SCNM1: variants seen among roughly 807,000 people sequenced by gnomAD.
SCNM1 encodes sodium channel modifier 1.
SCNM1 carries 24 observed loss-of-function variants against 32.8 expected under a neutral mutation model. The observed-to-expected ratio is 0.73, with a 90% CI of 0.53 to 1.03. SCNM1 has a LOEUF of 1.03. Among genes scored for constraint, SCNM1 ranks in the 50% least tolerant of loss-of-function variants. The pLI is 0.00. For missense variants in SCNM1, 274 were observed against 282.3 expected, an observed-to-expected ratio of 0.97 and a Z score of 0.21; for synonymous variants, 99 against 103.2, an observed-to-expected ratio of 0.96 and a Z score of 0.25.
Position 151,169,044 on chromosome 1 carries a change from G to C in SCNM1, c.652G>C (p.Asp218His). 1 of 1,613,982 alleles carries C rather than the reference G, an allele frequency of 6.2e-7. No individual in the cohort carries two copies. Among genetic ancestry groups the C allele is most frequent in the African/African-American group, 1.3e-5 (1 of 74,984 alleles). The change falls in exon 7 of 7, where the codon GAC becomes CAC. Residue 218 changes from aspartate (D) to histidine (H), a missense_variant. Asp to His is a moderately conservative substitution (Grantham distance 81). Coordinates refer to ENST00000368905, the MANE Select transcript of SCNM1 (RefSeq NM_024041.4). ...RWVKDENVEFDSDEEEPPDLP... is the reference protein window; with the variant it reads ...RWVKDENVEFHSDEEEPPDLP... Reference sequence around the variant, plus strand: ...GGTAAAAGATGAAAATGTTGAGTTTGACTCTGATGAGGAGGAACCACCTGA... The same window carrying C: ...GGTAAAAGATGAAAATGTTGAGTTTCACTCTGATGAGGAGGAACCACCTGA...
rs587622782 is a variant in SCNM1, at chr1:151,167,224, C to T, written c.309+6C>T. ...GGGAAGAAACCAAAGCTGAGGTAAT[C>T]AGAGAGTGGAGAGTGTGTTCTAGGC... On this transcript the variant is annotated splice_donor_region_variant and intron_variant, in intron 4 of 6. Coordinates refer to ENST00000368905, the MANE Select transcript of SCNM1 (RefSeq NM_024041.4). 8 of 1,614,008 alleles carry T rather than the reference C, an allele frequency of 5.0e-6. No homozygotes were observed. The East Asian group carries it at 1.8e-4, about 36-fold the overall frequency.
intron 6 of SCNM1, among the ~76,000 whole-genome samples, 170 bp from the exon 7 acceptor site, chr1:151,168,816 T>G (rs1438686005): frequency 9.0e-5 from 13 of 144,180 alleles, no homozygotes; most frequent in African/African-American, 3.2e-4. Context: ...TTTTTTTTTT[T>G]TGGTAGAGAC....
intron 2 of SCNM1, 162 bp downstream of exon 2, chr1:151,166,703 G>T: frequency 7.6e-7 from 1 of 1,317,830 alleles, no homozygotes; most frequent in Non-Finnish European, 1.0e-6. Flanking sequence ...CGATTAGCTG[G>T]GTTTACAAGC....
Position 151,168,154 on chromosome 1 carries a change from C to G in SCNM1, c.409C>G (p.Pro137Ala), listed in dbSNP as rs746105048. The G allele has an allele frequency of 1.1e-5, 18 of 1,612,476 alleles. No individual in the cohort carries two copies. The highest frequency in any genetic ancestry group is 1.5e-5 in the Non-Finnish European group (18 of 1,179,274). ...CCRRKYRPEA[P>A]GPSVSLSPMP... ...TTCTTCTCTACCTAGACCAGAAGCC[C>G]CTGGTCCCTCTGTCTCCCTTTCCCC... The change falls in exon 6 of 7, where the codon CCT becomes GCT. Residue 137 changes from proline (P) to alanine (A), a missense_variant. Coordinates refer to ENST00000368905, the MANE Select transcript of SCNM1 (RefSeq NM_024041.4).
At position 151,166,926 on chromosome 1, in the gene SCNM1, C is replaced by T. The variant is rs1683732202; in HGVS notation, c.123-8C>T. On this transcript the variant is annotated splice_polypyrimidine_tract_variant and splice_region_variant and intron_variant, in intron 2 of 6. Coordinates refer to ENST00000368905, the MANE Select transcript of SCNM1 (RefSeq NM_024041.4). ...GGACCACTTATCCTCTTCTCTACCCCTGCTCAGCTTTGCTTGTGCCATCTG... is the reference window on the plus strand; with the variant it reads ...GGACCACTTATCCTCTTCTCTACCCTTGCTCAGCTTTGCTTGTGCCATCTG... 4 of 1,613,884 alleles carry T rather than the reference C, an allele frequency of 2.5e-6. No individual in the cohort carries two copies. The highest frequency in any genetic ancestry group is 3.4e-6 in the Non-Finnish European group (4 of 1,180,014).
At chr1:151,167,967 A>G in intron 5 of SCNM1, 177 bp from the exon 6 acceptor site, 1 of 663,992 alleles carries the variant, frequency 1.5e-6, no homozygotes, top group East Asian at 2.9e-5. Flanking sequence ...ATTAAAAAAA[A>G]CTTGTAAAAT....
At position 151,169,202 on chromosome 1, in the gene SCNM1, C is replaced by A; in HGVS notation, c.*117C>A. 2.3e-5 allele frequency: 23 copies of A among 1,005,994 alleles called. No homozygotes were observed. Among genetic ancestry groups the A allele is most frequent in the Non-Finnish European group, 3.1e-5 (21 of 680,342 alleles). The allele number at this position is 1,005,994 out of a possible 1,614,324, so 62.3% of individuals were successfully genotyped here. On this transcript the variant is annotated 3_prime_UTR_variant, in exon 7 of 7. Transcript: ENST00000368905. ...TCAGATCTGTTCATTCTCATTCCAA[C>A]TACTCCTTGCCTGCAAGGTACACAG...
At position 151,170,096 on chromosome 1, in the gene SCNM1, C is replaced by A; in HGVS notation, c.*1011C>A. On this transcript the variant is annotated 3_prime_UTR_variant, in exon 7 of 7. Coordinates refer to ENST00000368905, the MANE Select transcript of SCNM1 (RefSeq NM_024041.4). ...AAATGCAGTGTTATCTCTTCTTTTG[C>A]TGGCGACCTGTAAAGGAGCAATATT... is the stretch of plus-strand genomic sequence containing the variant. 2 of 1,614,182 alleles carry A rather than the reference C, an allele frequency of 1.2e-6. No individual in the cohort carries two copies. Among genetic ancestry groups the A allele is most frequent in the Non-Finnish European group, 1.7e-6 (2 of 1,180,004 alleles).
rs1683865064 is a variant in SCNM1, at chr1:151,169,327, C to T, written c.*242C>T. 1.1e-5 allele frequency: 4 copies of T among 359,936 alleles called. No homozygotes were observed. Among genetic ancestry groups the T allele is most frequent in the African/African-American group, 8.4e-5 (4 of 47,402 alleles). 22.3% of individuals were successfully genotyped at this position (359,936 alleles called of 1,614,324 possible). A position where few individuals can be genotyped will look rare whatever the true frequency, so the allele number is the denominator to read the frequency against. On this transcript the variant is annotated 3_prime_UTR_variant, in exon 7 of 7. Transcript: ENST00000368905. ...TGGCACGATCTCGGCTCACTGCAAG[C>T]TCTGCCTCCCAGGTTCACGCCTTTC...
intron 6 of SCNM1, 105 bp downstream of exon 6, chr1:151,168,443 T>C (rs1440748937): frequency 1.4e-6 from 2 of 1,423,456 alleles, no homozygotes; most frequent in Non-Finnish European, 1.8e-6. Context: ...AGTTTCACTC[T>C]TGTTGCCCCA....
In SCNM1 at chr1:151,170,059, G is replaced by T. The variant is rs765127214; in HGVS notation, c.*974G>T. 1 of 1,613,984 alleles carries T rather than the reference G, an allele frequency of 6.2e-7. No individual in the cohort carries two copies. The highest frequency in any genetic ancestry group is 1.1e-5 in the South Asian group (1 of 91,082). On this transcript the variant is annotated 3_prime_UTR_variant, in exon 7 of 7. Transcript: ENST00000368905. ...TAAGTGTCCAGTGCTCCCAGCGCTA[G>T]TTGGTAAAGGGAAATGCAGTGTTAT...
At position 151,169,107 on chromosome 1, in the gene SCNM1, C is replaced by T; in HGVS notation, c.*22C>T. 6.2e-7 allele frequency: 1 copy of T among 1,613,586 alleles called. No individual in the cohort carries two copies. The highest frequency in any genetic ancestry group is 1.1e-5 in the South Asian group (1 of 91,072). On this transcript the variant is annotated 3_prime_UTR_variant, in exon 7 of 7. Transcript: ENST00000368905. ...CTGATACCCTTTTCCCATTCATTCA[C>T]AAATAAATTACAATGGGTGCTGAGA...
In SCNM1 at chr1:151,166,924, C is replaced by G; in HGVS notation, c.123-10C>G. The G allele has an allele frequency of 1.2e-6, 2 of 1,613,926 alleles. No homozygotes were observed. The highest frequency in any genetic ancestry group is 1.7e-6 in the Non-Finnish European group (2 of 1,179,992). On this transcript the variant is annotated splice_polypyrimidine_tract_variant and intron_variant, in intron 2 of 6. Transcript: ENST00000368905. Reference sequence around the variant, plus strand: ...CTGGACCACTTATCCTCTTCTCTACCCCTGCTCAGCTTTGCTTGTGCCATC... The same window carrying G: ...CTGGACCACTTATCCTCTTCTCTACGCCTGCTCAGCTTTGCTTGTGCCATC...
In SCNM1 at chr1:151,169,179, A is replaced by C; in HGVS notation, c.*94A>C. 7.0e-7 allele frequency: 1 copy of C among 1,437,188 alleles called. No individual in the cohort carries two copies. Among genetic ancestry groups the C allele is most frequent in the South Asian group, 1.2e-5 (1 of 83,562 alleles). 89.0% of individuals were successfully genotyped at this position (1,437,188 alleles called of 1,614,324 possible). A position where few individuals can be genotyped will look rare whatever the true frequency, so the allele number is the denominator to read the frequency against. ...GTTCCTTGTTGGATCTCAGGATTTC[A>C]GATCTGTTCATTCTCATTCCAACTA... On this transcript the variant is annotated 3_prime_UTR_variant, in exon 7 of 7. Coordinates refer to ENST00000368905, the MANE Select transcript of SCNM1 (RefSeq NM_024041.4).
At chr1:151,166,820 G>T in intron 2 of SCNM1, 114 bp from the exon 3 acceptor site, 2 of 1,480,274 alleles carry the variant, frequency 1.4e-6, no homozygotes, top group Admixed American at 2.0e-5. Context: ...TGGAGATTGG[G>T]TCACCAGGGA....
chr1:151,169,211 G>T lies in SCNM1; in HGVS notation c.*126G>T. The T allele has an allele frequency of 1.0e-6, 1 of 971,088 alleles. No individual in the cohort carries two copies. Among genetic ancestry groups the T allele is most frequent in the Non-Finnish European group, 1.5e-6 (1 of 656,412 alleles). The allele number at this position is 971,088 out of a possible 1,614,324, so 60.2% of individuals were successfully genotyped here. A position where few individuals can be genotyped will look rare whatever the true frequency, so the allele number is the denominator to read the frequency against. On this transcript the variant is annotated 3_prime_UTR_variant, in exon 7 of 7. Coordinates refer to ENST00000368905, the MANE Select transcript of SCNM1 (RefSeq NM_024041.4). The stretch of plus-strand genomic sequence containing the variant: ...TTCATTCTCATTCCAACTACTCCTT[G>T]CCTGCAAGGTACACAGCTCTCCACA...
rs1269310146 is a variant in SCNM1 at position 151,168,763 on chromosome 1, T to C, written c.594-223T>C. On this transcript the variant is annotated intron_variant, in intron 6 of 6. Coordinates refer to ENST00000368905, the MANE Select transcript of SCNM1 (RefSeq NM_024041.4). ...TTTTGTTTTAGCCACCCAACTTACA[T>C]GGCTCTCAATTTTTTCTCACTGCTA... Among the ~76,000 whole-genome samples, 5 of 148,158 alleles carry C rather than the reference T, an allele frequency of 3.4e-5. No individual in the cohort carries two copies. The Admixed American group carries it at 3.4e-4, about 10-fold the overall frequency.
In SCNM1 at chr1:151,167,174, C is replaced by G. The variant is rs1242833612; in HGVS notation, c.265C>G (p.Pro89Ala). The change falls in exon 4 of 7, where the codon CCA (proline) becomes GCA (alanine). Residue 89 changes from proline to alanine, a missense_variant. Transcript: ENST00000368905. ...GCCGGGAAAGGAAAGAAAGCAGAAT[C>G]CAAAACATCAGAATGAATTGAGAAG... ...KQPGKERKQN[P>A]KHQNELRREE... 2.5e-6 allele frequency: 4 copies of G among 1,614,180 alleles called. No homozygotes were observed. Among genetic ancestry groups the G allele is most frequent in the Non-Finnish European group, 3.4e-6 (4 of 1,180,040 alleles).
chr1:151,169,819 T>G lies in SCNM1; in HGVS notation c.*734T>G, dbSNP rs1572081099. 1 of 503,122 alleles carries G rather than the reference T, an allele frequency of 2.0e-6. No individual in the cohort carries two copies. The allele number at this position is 503,122 out of a possible 1,614,324, so 31.2% of individuals were successfully genotyped here. On this transcript the variant is annotated 3_prime_UTR_variant, in exon 7 of 7. Transcript: ENST00000368905. Reference sequence around the variant, plus strand: ...GAAGAGTCAAAAGGCATTGGCAGGGTTATGGGGAACACCAAGGGAGGGAAC... The same window carrying G: ...GAAGAGTCAAAAGGCATTGGCAGGGGTATGGGGAACACCAAGGGAGGGAAC...
Sources: allele counts gnomAD v4.1 joint callset (sites outside exome capture counted in the v4.1 genomes callset), GRCh38; gene constraint gnomAD v4.1.1; transcripts MANE v1.5; gene names NCBI Gene and HGNC (gene_info 2026-07-23, HGNC 2026-07-21).